The following PLEC variants were observed in gnomAD, a reference collection of about 807,000 sequenced individuals.
The protein encoded by PLEC is plectin.
PLEC carries 216 observed loss-of-function variants against 392.8 expected under a neutral mutation model. That is an observed-to-expected ratio of 0.55 (90% CI 0.49 to 0.62). The LOEUF is 0.62. Among genes scored for constraint, PLEC ranks in the 20% least tolerant of loss-of-function variants. The pLI, the probability that PLEC is intolerant of heterozygous loss-of-function variation, is 0.00. For missense variants in PLEC, 6,863 were observed against 6,563.4 expected, an observed-to-expected ratio of 1.05 and a Z score of -1.58; for synonymous variants, 3,621 against 2,980.6, an observed-to-expected ratio of 1.21 and a Z score of -7.00.
rs377016819 is a variant in PLEC, at chr8:143,921,932, C to T, written c.7889G>A (p.Arg2630Gln). 69 of 1,599,302 alleles carry T rather than the reference C, an allele frequency of 4.3e-5. No individual in the cohort carries two copies. Among genetic ancestry groups the T allele is most frequent in the South Asian group, 4.1e-4 (37 of 91,066 alleles). ...TGCCGCGGGGCCATCAAGTGCATCC[C>T]GGCCATTGGGCAGGGTCTTTGTGGC... ...VAATKTLPNGRDALDGPAAEA... is the reference protein window; with the variant it reads ...VAATKTLPNGQDALDGPAAEA... Residue 2630 changes from arginine (R) to glutamine (Q), a missense_variant, in exon 32 of 32, where the codon CGG becomes CAG. Transcript: ENST00000345136.
At position 143,925,053 on chromosome 8, in the gene PLEC, C is replaced by T. The variant is rs1554700441; in HGVS notation, c.4876G>A (p.Glu1626Lys). Residue 1626 changes from glutamate to lysine, a missense_variant, in exon 31 of 32, where the codon GAG becomes AAG. By Grantham distance (56) the Glu-to-Lys change is moderately conservative. Coordinates refer to ENST00000345136, the MANE Select transcript of PLEC (RefSeq NM_201384.3). ...CAGCGCTCCAGCTCCCGCTCTGCCT[C>T]CTCGCGCGCCCGCTCGGCCTCGGCC... Reference protein sequence around the residue: ...QQAEAERAREEAERELERWQL... With the variant: ...QQAEAERAREKAERELERWQL... The T allele has an allele frequency of 6.5e-7, 1 of 1,545,636 alleles. No individual in the cohort carries two copies. The highest frequency in any genetic ancestry group is 1.2e-5 in the South Asian group (1 of 85,312).
rs372844056 is a variant in PLEC, at chr8:143,920,353, G to A, written c.9468C>T (p.Val3156=). ...CATCCAGGCAGCCTCGGGCGCAGGC[G>A]ACATCCAGGGGCACGCGGTGGCTCT... ...PSKSHRVPLD[V]ACARGCLDEE... is the part of the protein sequence containing the mutation. The change falls in exon 32 of 32, where the codon GTC becomes GTT. Residue 3156 remains valine, a synonymous_variant. Transcript: ENST00000345136. The A allele has an allele frequency of 5.7e-5, 91 of 1,595,112 alleles. No individual in the cohort carries two copies. Among genetic ancestry groups the A allele is most frequent in the Admixed American group, 2.4e-4 (14 of 58,540 alleles).
intron 19 of PLEC, among the ~76,000 whole-genome samples, chr8:143,930,791 G>A (rs542965112): frequency 9.9e-5 from 15 of 152,210 alleles, no homozygotes; most frequent in Non-Finnish European, 1.9e-4. Context: ...TCCCAGCTAC[G>A]CTCTGGTCCC....
At chr8:143,937,926 C>G (rs570964887) in intron 3 of PLEC, 3 of 631,806 alleles carry the variant, frequency 4.7e-6, no homozygotes, top group Non-Finnish European at 8.7e-6. Context: ...AGCCGAGGTC[C>G]GAGGGTTGCG....
chr8:143,935,005 A>G lies in PLEC; in HGVS notation c.825+6T>C. ...AAGCCCCCTGCCCTCCGGGCCCCCCACTCACGTTGGCCCTCACCCCATCCT... is the reference window on the plus strand; with the variant it reads ...AAGCCCCCTGCCCTCCGGGCCCCCCGCTCACGTTGGCCCTCACCCCATCCT... On this transcript the variant is annotated splice_donor_region_variant and intron_variant, in intron 8 of 31. Transcript: ENST00000345136. 6.2e-7 allele frequency: 1 copy of G among 1,612,054 alleles called. No homozygotes were observed. The highest frequency in any genetic ancestry group is 8.5e-7 in the Non-Finnish European group (1 of 1,179,562).
chr8:143,923,347 C>G lies in PLEC; in HGVS notation c.6582G>C (p.Gln2194His). Residue 2194 changes from glutamine to histidine, a missense_variant, in exon 31 of 32, where the codon CAG (glutamine) becomes CAC (histidine). Gln to His is a conservative substitution (Grantham distance 24). Coordinates refer to ENST00000345136, the MANE Select transcript of PLEC (RefSeq NM_201384.3). ...TCTTCTGGTGGTCGGTCTCCTCCAG[C>G]TGCAGCCGCAGTGTTGTCAGCTCCT... is the stretch of plus-strand genomic sequence containing the variant. ...VEQELTTLRL[Q>H]LEETDHQKNL... is the part of the protein sequence containing the mutation. 6.2e-7 allele frequency: 1 copy of G among 1,610,308 alleles called. No homozygotes were observed. The highest frequency in any genetic ancestry group is 8.5e-7 in the Non-Finnish European group (1 of 1,179,464).
intron 2 of PLEC, 60 bp downstream of exon 2, chr8:143,938,571 C>G (rs1372263207): frequency 1.3e-6 from 2 of 1,581,862 alleles, no homozygotes; most frequent in African/African-American, 1.3e-5. Context: ...AGGGGCCACC[C>G]TCCCTCAGCG....
At position 143,929,087 on chromosome 8, in the gene PLEC, G is replaced by A. The variant is rs1256936103; in HGVS notation, c.3260+16C>T. ...CAGCCGACCCCAGCCCCTCGCCTGT[G>A]GCCAGGTGCACTCACTTCTCCAGGT... On this transcript the variant is annotated intron_variant, in intron 25 of 31. Coordinates refer to ENST00000345136, the MANE Select transcript of PLEC (RefSeq NM_201384.3). 1 of 1,559,530 alleles carries A rather than the reference G, an allele frequency of 6.4e-7. No individual in the cohort carries two copies. Among genetic ancestry groups the A allele is most frequent in the African/African-American group, 1.4e-5 (1 of 73,858 alleles).
At chr8:143,949,532 G>A (rs997037044) in intron 1 of PLEC, among the ~76,000 whole-genome samples, 5 of 152,136 alleles carry the variant, frequency 3.3e-5, no homozygotes, top group Admixed American at 2.0e-4. Context: ...GGTTCGTACC[G>A]GGAAAGGCCT....
chr8:143,954,980 C>T (rs998423113), upstream of PLEC, among the ~76,000 whole-genome samples: 1 of 152,134 alleles, frequency 6.6e-6, no homozygotes. This position sits in a 1 kb window ranked among gnomAD's most constrained non-coding sequence, Gnocchi z 4.6. Flanking sequence ...GATCCAGGAG[C>T]GAGGCCGGCA....
At chr8:143,958,611 A>G (rs536139157), upstream of PLEC, 16 of 445,646 alleles carry the variant, frequency 3.6e-5, no homozygotes, top group Non-Finnish European at 5.9e-5. The surrounding 1 kb of genome is among the most constrained non-coding windows in gnomAD (Gnocchi z 4.9). Context: ...GCACTGGACA[A>G]CAGCAGCCAG....
intron 1 of PLEC, among the ~76,000 whole-genome samples, chr8:143,970,868 C>CT (rs1274948344): frequency 2.6e-5 from 4 of 152,234 alleles, no homozygotes; most frequent in African/African-American, 4.8e-5. Context: ...CTCTTGGCAG[C>CT]TGGGCCGACT....
chr8:143,921,682 G>T lies in PLEC; in HGVS notation c.8139C>A (p.Tyr2713Ter). 6.2e-7 allele frequency: 1 copy of T among 1,613,172 alleles called. No individual in the cohort carries two copies. The highest frequency in any genetic ancestry group is 8.5e-7 in the Non-Finnish European group (1 of 1,179,922). Reference sequence around the variant, plus strand: ...TCAGCAGCTGCCTCTGCAGGGCGGCGTAAACACTCAGCTTCTCATTGGTGG... The same window carrying T: ...TCAGCAGCTGCCTCTGCAGGGCGGCTTAAACACTCAGCTTCTCATTGGTGG... ...LKATNEKLSV[Y>*]AALQRQLLSP... The change falls in exon 32 of 32, where the codon TAC becomes TAA. Residue 2713 changes from tyrosine (Y) to a stop codon, truncating the protein, a stop_gained. Transcript: ENST00000345136. LOFTEE classifies it low-confidence loss of function (END_TRUNC).
rs1395786108 is a variant in PLEC, at chr8:143,915,794, G to C, written c.*383C>G. 5.7e-6 allele frequency: 1 copy of C among 174,092 alleles called. No individual in the cohort carries two copies. The highest frequency in any genetic ancestry group is 2.4e-5 in the African/African-American group (1 of 41,616). The allele number at this position is 174,092 out of a possible 1,614,324, so 10.8% of individuals were successfully genotyped here. A position where few individuals can be genotyped will look rare whatever the true frequency, so the allele number is the denominator to read the frequency against. ...AGGCCCACCGTGCAGGCCAGTGCTA[G>C]AAACACCAGGGCCCTCTACAGACAG... On this transcript the variant is annotated 3_prime_UTR_variant, in exon 32 of 32. Transcript: ENST00000345136.
rs781931836 is a variant in PLEC at position 143,923,616 on chromosome 8, C to A, written c.6313G>T (p.Ala2105Ser). ...TCTTCCACCTGCCGCCGGGACTGCG[C>A]CGCCTCACGCTCCGCCTGCACCCGG... ...EARVQAEREA[A>S]QSRRQVEEAE... The change falls in exon 31 of 32, where the codon GCG becomes TCG. Residue 2105 changes from alanine to serine, a missense_variant. Ala to Ser is a moderately conservative substitution (Grantham distance 99). Coordinates refer to ENST00000345136, the MANE Select transcript of PLEC (RefSeq NM_201384.3). 1 of 1,591,256 alleles carries A rather than the reference C, an allele frequency of 6.3e-7. No homozygotes were observed. The highest frequency in any genetic ancestry group is 1.3e-5 in the African/African-American group (1 of 74,668).
chr8:143,937,158 G>T lies in PLEC; in HGVS notation c.342+7C>A. 1 of 1,611,812 alleles carries T rather than the reference G, an allele frequency of 6.2e-7. No individual in the cohort carries two copies. The highest frequency in any genetic ancestry group is 8.5e-7 in the Non-Finnish European group (1 of 1,178,994). On this transcript the variant is annotated splice_region_variant and intron_variant, in intron 4 of 31. Coordinates refer to ENST00000345136, the MANE Select transcript of PLEC (RefSeq NM_201384.3). ...GGTGGGGCCCAGGGCCTGCCGGGCA[G>T]CCTTACCTGGCGGTGCCGGAGGTAG...
chr8:143,930,116 C>T lies in PLEC; in HGVS notation c.2612+28G>A, dbSNP rs1354391949. The T allele has an allele frequency of 2.6e-5, 41 of 1,595,544 alleles. No individual in the cohort carries two copies. In the Admixed American group the frequency reaches 3.4e-4, roughly 13 times the overall value. On this transcript the variant is annotated intron_variant, in intron 21 of 31. Transcript: ENST00000345136. The stretch of plus-strand genomic sequence containing the variant: ...ACCAGCGCCCCACCCGCCTTCCAGC[C>T]CCCACCTGCTGAGCCCCCGCCACCC...
In PLEC at chr8:143,973,509, C is replaced by T; in HGVS notation, c.-37G>A. On this transcript the variant is annotated 5_prime_UTR_variant, in exon 1 of 32. Coordinates refer to the PLEC transcript ENST00000356346. The surrounding 1 kb of genome is among the most constrained non-coding windows in gnomAD (Gnocchi z 5.6). ...CGGGGCGCGGGGTGCAGCGGAGCCTCCAGCACCCGGCGGCCACTCTGTCCC... is the reference window on the plus strand; with the variant it reads ...CGGGGCGCGGGGTGCAGCGGAGCCTTCAGCACCCGGCGGCCACTCTGTCCC... The T allele has an allele frequency of 1.5e-6, 2 of 1,364,958 alleles. No individual in the cohort carries two copies. Among genetic ancestry groups the T allele is most frequent in the African/African-American group, 3.1e-5 (2 of 65,190 alleles). 84.6% of individuals were successfully genotyped at this position (1,364,958 alleles called of 1,614,324 possible). A position where few individuals can be genotyped will look rare whatever the true frequency, so the allele number is the denominator to read the frequency against.
rs782728053 is a variant in PLEC at position 143,919,408 on chromosome 8, C to T, written c.10413G>A (p.Thr3471=). 3.3e-5 allele frequency: 53 copies of T among 1,613,210 alleles called. No homozygotes were observed. The highest frequency in any genetic ancestry group is 1.6e-4 in the Middle Eastern group (1 of 6,074). The change falls in exon 32 of 32, where the codon ACG becomes ACA. Residue 3471 remains threonine (T), a synonymous_variant. Coordinates refer to ENST00000345136, the MANE Select transcript of PLEC (RefSeq NM_201384.3). ...TGTGCACGGGGTCGATGATGCCGCC[C>T]GTGGCGATCTGGGCCTCCAGCAGGC... The part of the protein sequence containing the change: ...GIRLLEAQIA[T]GGIIDPVHSH...
Sources: gnomAD v4.1 joint callset for allele counts (sites outside exome capture counted in the v4.1 genomes callset) on GRCh38, gnomAD v4.1.1 for gene constraint, Gnocchi (gnomAD v3.1) non-coding constraint, MANE v1.5 for transcripts, NCBI Gene and HGNC (gene_info 2026-07-23, HGNC 2026-07-21) for gene names.